GRIA4: variants seen among roughly 807,000 people sequenced by gnomAD.
GRIA4 encodes the protein glutamate ionotropic receptor AMPA type subunit 4, also known as glutamate receptor 4.
A neutral mutation model predicts 104.0 loss-of-function variants in GRIA4; 34 were observed. That is an observed-to-expected ratio of 0.33 (90% CI 0.25 to 0.44). GRIA4 has a LOEUF of 0.44. GRIA4 is among the 20% of genes least tolerant of loss of function. GRIA4 has a pLI of 1.00. For missense variants in GRIA4, 750 were observed against 1,096.5 expected, an observed-to-expected ratio of 0.68 and a Z score of 4.46; for synonymous variants, 386 against 381.9, an observed-to-expected ratio of 1.01 and a Z score of -0.13.
intron 3 of GRIA4, among the ~76,000 whole-genome samples, chr11:105,670,011 G>A (rs545847820): frequency 4.0e-4 from 61 of 152,102 alleles, no homozygotes; most frequent in Non-Finnish European, 7.1e-4. Flanking sequence ...CATTTAAAAT[G>A]TAGGCTGTCA....
rs1010038317 is a variant in GRIA4, at chr11:105,896,200, A to G, written c.727-2069A>G. On this transcript the variant is annotated intron_variant, in intron 6 of 16. Transcript: ENST00000282499. Reference sequence around the variant, plus strand: ...TTAGTGATGTTGAACATTTTTTCACATGTTTGCTGGCTGTTTGTATGTTGT... The same window carrying G: ...TTAGTGATGTTGAACATTTTTTCACGTGTTTGCTGGCTGTTTGTATGTTGT... Among the ~76,000 whole-genome samples the G allele has an allele frequency of 3.3e-5, 5 of 151,784 alleles. No homozygotes were observed. In the East Asian group the frequency reaches 7.8e-4, roughly 24 times the overall value.
At chr11:105,893,927 T>C (rs1946547069) in intron 6 of GRIA4, among the ~76,000 whole-genome samples, 1 of 152,178 alleles carries the variant, frequency 6.6e-6, no homozygotes, top group Non-Finnish European at 1.5e-5. Context: ...TTCAGAAACA[T>C]AGGTTTACTT....
At chr11:105,692,258 A>ATTTT (rs1565468440) in intron 3 of GRIA4, among the ~76,000 whole-genome samples, 4 of 143,728 alleles carry the variant, frequency 2.8e-5, no homozygotes, top group East Asian at 2.1e-4. Flanking sequence ...TTTTTTTTAA[A>ATTTT]AAAAAAAAGA....
At chr11:105,905,111 T>A (rs1238261232) in intron 8 of GRIA4, 86 bp from the exon 9 acceptor site, 3 of 734,672 alleles carry the variant, frequency 4.1e-6, no homozygotes, top group Admixed American at 4.1e-5. Context: ...TCTACTTTTT[T>A]AAGTAGTTAT....
chr11:105,910,126 G>C (rs4754138), intron 9 of GRIA4, among the ~76,000 whole-genome samples: 12,383 of 152,090 alleles, frequency 0.081, 741 homozygotes, highest in Admixed American at 0.18. Context: ...CTAGAGGAGG[G>C]GATCTGCATA....
intron 4 of GRIA4, among the ~76,000 whole-genome samples, chr11:105,794,473 G>GTATGTATATATATATATATA (rs1360490604): frequency 2.3e-5 from 1 of 43,916 alleles, no homozygotes; most frequent in Admixed American, 3.1e-4. Flanking sequence ...GTATATGTAT[G>GTATGTATATATATATATATA]TATATATATA....
chr11:105,648,475 G>A (rs1228612031), intron 3 of GRIA4, among the ~76,000 whole-genome samples: 1 of 150,702 alleles, frequency 6.6e-6, no homozygotes, highest in Admixed American at 6.6e-5. Flanking sequence ...TGCTTTATAC[G>A]CTAAAGTTTA....
intron 4 of GRIA4, among the ~76,000 whole-genome samples, chr11:105,834,118 T>G (rs1446130588): frequency 6.6e-6 from 1 of 152,026 alleles, no homozygotes; most frequent in African/African-American, 2.4e-5. Flanking sequence ...AAGAATAAGT[T>G]GTAATTAGAT....
At chr11:105,843,446 A>C (rs564840246) in intron 4 of GRIA4, among the ~76,000 whole-genome samples, 2 of 152,226 alleles carry the variant, frequency 1.3e-5, no homozygotes, top group African/African-American at 4.8e-5. Flanking sequence ...GAATACTCTC[A>C]TATACCTAAA....
chr11:105,940,389 A>C (rs1415495169), intron 14 of GRIA4, among the ~76,000 whole-genome samples: 2 of 152,108 alleles, frequency 1.3e-5, no homozygotes, highest in Admixed American at 1.3e-4. Flanking sequence ...TCTCAAAAAA[A>C]TAAAAATAAA....
At chr11:105,738,695 C>A (rs1329238917) in intron 3 of GRIA4, among the ~76,000 whole-genome samples, 1 of 152,038 alleles carries the variant, frequency 6.6e-6, no homozygotes, top group African/African-American at 2.4e-5. Context: ...ATGCTTTCAA[C>A]CCATTATTTA....
chr11:105,968,290 C>T (rs774308222), intron 14 of GRIA4, among the ~76,000 whole-genome samples: 2 of 152,216 alleles, frequency 1.3e-5, no homozygotes, highest in Non-Finnish European at 2.9e-5. Context: ...TCCAGCCTTC[C>T]ATTCAGCAGC....
intron 14 of GRIA4, among the ~76,000 whole-genome samples, chr11:105,954,919 T>C (rs1461946004): frequency 1.3e-5 from 2 of 149,006 alleles, no homozygotes; most frequent in South Asian, 4.2e-4. Flanking sequence ...TTTATATATA[T>C]ATATATATAT....
chr11:105,941,963 A>C (rs1307638251), intron 14 of GRIA4, among the ~76,000 whole-genome samples: 1 of 152,124 alleles, frequency 6.6e-6, no homozygotes, highest in African/African-American at 2.4e-5. Context: ...CTAGTCCCTA[A>C]ATTCTCATCT....
intron 3 of GRIA4, among the ~76,000 whole-genome samples, chr11:105,720,868 A>G (rs1296812076): frequency 6.6e-6 from 1 of 152,180 alleles, no homozygotes; most frequent in Non-Finnish European, 1.5e-5. Context: ...CCCTAGGTAT[A>G]GCAGGAATAA....
At chr11:105,756,797 A>G (rs904082243) in intron 4 of GRIA4, among the ~76,000 whole-genome samples, 2 of 152,036 alleles carry the variant, frequency 1.3e-5, no homozygotes, top group Non-Finnish European at 2.9e-5. Context: ...AATAATTTTT[A>G]TCAGTCATCC....
intron 3 of GRIA4, among the ~76,000 whole-genome samples, chr11:105,657,396 C>T (rs1951876126): frequency 6.6e-6 from 1 of 151,884 alleles, no homozygotes; most frequent in Non-Finnish European, 1.5e-5. Context: ...ATAAAAAACT[C>T]TAAAAAGTTA....
chr11:105,911,024 G>A (rs1185416035), intron 10 of GRIA4, among the ~76,000 whole-genome samples: 1 of 152,046 alleles, frequency 6.6e-6, no homozygotes, highest in African/African-American at 2.4e-5. Context: ...TTACAATAGT[G>A]AAGATGTGAC....
At chr11:105,823,044 C>T (rs1943634629) in intron 4 of GRIA4, among the ~76,000 whole-genome samples, 1 of 152,074 alleles carries the variant, frequency 6.6e-6, no homozygotes, top group African/African-American at 2.4e-5. Flanking sequence ...ATAGTGGTAC[C>T]AGGCAATATA....
Sources: gnomAD v4.1 joint callset for allele counts (sites outside exome capture counted in the v4.1 genomes callset) on GRCh38, gnomAD v4.1.1 for gene constraint, MANE v1.5 for transcripts, NCBI Gene and HGNC (gene_info 2026-07-23, HGNC 2026-07-21) for gene names.